Variants in NMNAT3 observed in about 807,000 individuals in gnomAD.
NMNAT3 encodes nicotinamide nucleotide adenylyltransferase 3.
NMNAT3 carries 21 observed loss-of-function variants against 24.8 expected under a neutral mutation model. The ratio of observed to expected loss-of-function variants is 0.85; its 90% CI spans 0.60 to 1.22. The LOEUF is 1.22. Among genes scored for constraint, NMNAT3 ranks in the 50% most tolerant of loss-of-function variants. NMNAT3 has a pLI of 0.00. For missense variants in NMNAT3, 387 were observed against 436.6 expected (o/e 0.89, Z 1.01); for synonymous variants, 136 against 155.2 (o/e 0.88, Z 0.92).
chr3:139,605,921 T>C (rs2108235144), intron 3 of NMNAT3, among the ~76,000 whole-genome samples: 1 of 152,236 alleles, frequency 6.6e-6, no homozygotes, highest in African/African-American at 2.4e-5. Context: ...GTGATTTTTT[T>C]TTTTTTCTGT....
intron 1 of NMNAT3, among the ~76,000 whole-genome samples, chr3:139,667,737 GT>G (rs2057629675): frequency 6.6e-6 from 1 of 152,160 alleles, no homozygotes; most frequent in Admixed American, 6.5e-5. Context: ...TTCTTGGTTT[GT>G]GCTCTTGTCT....
intron 1 of NMNAT3, among the ~76,000 whole-genome samples, chr3:139,658,113 C>A (rs183666738): frequency 6.6e-6 from 1 of 152,012 alleles, no homozygotes; most frequent in African/African-American, 2.4e-5. Flanking sequence ...TGAAGGAGCT[C>A]GGGAAGCACC....
At chr3:139,670,363 CGG>C (rs1405626604) in intron 1 of NMNAT3, among the ~76,000 whole-genome samples, 1 of 152,186 alleles carries the variant, frequency 6.6e-6, no homozygotes, top group Non-Finnish European at 1.5e-5. Context: ...AGCCCCATGA[CGG>C]GATAACTCTG....
intron 1 of NMNAT3, among the ~76,000 whole-genome samples, chr3:139,643,170 C>T (rs2108362127): frequency 6.6e-6 from 1 of 152,288 alleles, no homozygotes; most frequent in East Asian, 1.9e-4. Context: ...CAATGAGAAA[C>T]CACGTCCTGT....
intron 3 of NMNAT3, among the ~76,000 whole-genome samples, chr3:139,596,233 G>A (rs191911957): frequency 1.6e-3 from 245 of 152,182 alleles, no homozygotes; most frequent in African/African-American, 5.6e-3. Context: ...CTTTGCTCAC[G>A]GAGAAAGGAT....
At chr3:139,668,059 T>C (rs1021982923) in intron 1 of NMNAT3, among the ~76,000 whole-genome samples, 1 of 152,086 alleles carries the variant, frequency 6.6e-6, no homozygotes, top group African/African-American at 2.4e-5. Context: ...ATTATCCAGG[T>C]GTAACGTACA....
chr3:139,561,006 C>G lies in NMNAT3; in HGVS notation c.*4G>C, dbSNP rs1242837383. 8 of 1,606,874 alleles carry G rather than the reference C, an allele frequency of 5.0e-6. No individual in the cohort carries two copies. Among genetic ancestry groups the G allele is most frequent in the Non-Finnish European group, 6.8e-6 (8 of 1,175,464 alleles). On this transcript the variant is annotated 3_prime_UTR_variant, in exon 7 of 7. Coordinates refer to ENST00000643695, the MANE Select transcript of NMNAT3 (RefSeq NM_001320510.2). ...AGGAGGTGTGGGTGCTGAGTCCCCC[C>G]TCCCTAGCTTGTCTTGCCCTCAGTG...
intron 1 of NMNAT3, among the ~76,000 whole-genome samples, chr3:139,676,857 T>A (rs1275762429): frequency 6.6e-6 from 1 of 152,230 alleles, no homozygotes; most frequent in Non-Finnish European, 1.5e-5. Context: ...GCAGGCACAC[T>A]GTGTTTAGTC....
intron 3 of NMNAT3, among the ~76,000 whole-genome samples, chr3:139,589,037 G>A (rs1436617947): frequency 6.6e-6 from 1 of 152,106 alleles, no homozygotes; most frequent in Admixed American, 6.5e-5. Flanking sequence ...GGACAGTCTA[G>A]GAAGAGACAA....
Sources: gnomAD v4.1 joint callset for allele counts (sites outside exome capture counted in the v4.1 genomes callset) on GRCh38, gnomAD v4.1.1 for gene constraint, MANE v1.5 for transcripts, NCBI Gene and HGNC (gene_info 2026-07-23, HGNC 2026-07-21) for gene names.